Variants in NHSL1 observed in about 807,000 individuals in gnomAD.
NHSL1 encodes NHS like 1.
NHSL1 carries 48 observed loss-of-function variants against 95.0 expected under a neutral mutation model. The ratio of observed to expected loss-of-function variants is 0.51; its 90% CI spans 0.40 to 0.64. The LOEUF is 0.64. NHSL1 is among the 30% of genes least tolerant of loss of function. NHSL1 has a pLI of 0.00. For missense variants in NHSL1, 1,971 were observed against 2,077.7 expected (o/e 0.95, Z 1.00); for synonymous variants, 783 against 833.9 (o/e 0.94, Z 1.05).
intron 1 of NHSL1, among the ~76,000 whole-genome samples, chr6:138,604,368 A>G (rs887354843): frequency 1.2e-4 from 19 of 152,224 alleles, no homozygotes; most frequent in African/African-American, 4.6e-4. Context: ...TTAAACTTCA[A>G]AAATCTAACG....
chr6:138,513,144 C>T (rs1015177116), intron 1 of NHSL1, among the ~76,000 whole-genome samples: 4 of 152,130 alleles, frequency 2.6e-5, no homozygotes, highest in Non-Finnish European at 5.9e-5. Context: ...AACCTCGGTG[C>T]CATGCAAAAC....
intron 2 of NHSL1, among the ~76,000 whole-genome samples, chr6:138,483,866 A>C (rs923390468): frequency 2.6e-5 from 4 of 152,196 alleles, no homozygotes; most frequent in East Asian, 1.9e-4. Flanking sequence ...GTTGGACAGT[A>C]GCGTGCTTGA....
intron 1 of NHSL1, among the ~76,000 whole-genome samples, chr6:138,497,416 G>A (rs1780419634): frequency 1.3e-5 from 2 of 152,266 alleles, no homozygotes; most frequent in South Asian, 2.1e-4. Context: ...TGTGAGTGAG[G>A]AGCAAGTCTT....
chr6:138,545,611 A>G, intron 1 of NHSL1: 3 of 1,288,752 alleles, frequency 2.3e-6, no homozygotes, highest in Non-Finnish European at 3.0e-6. Flanking sequence ...AATGGACACG[A>G]AGTCCCCTCA....
chr6:138,594,193 T>C (rs1784270306), intron 1 of NHSL1, among the ~76,000 whole-genome samples: 1 of 152,168 alleles, frequency 6.6e-6, no homozygotes, highest in South Asian at 2.1e-4. Context: ...CAGCAGCTTC[T>C]AAGCAACAGA....
At chr6:138,491,143 C>T (rs566842993) in intron 2 of NHSL1, among the ~76,000 whole-genome samples, 19 of 152,276 alleles carry the variant, frequency 1.2e-4, no homozygotes, top group African/African-American at 4.3e-4. Flanking sequence ...AGCCATGGAG[C>T]ATGCTGACCT....
chr6:138,482,829 C>A (rs1482103801), intron 2 of NHSL1, among the ~76,000 whole-genome samples: 1 of 152,174 alleles, frequency 6.6e-6, no homozygotes, highest in Non-Finnish European at 1.5e-5. Context: ...GGGTTACATT[C>A]CCGCCTTCAA....
At chr6:138,671,844 C>A (rs747327110) in intron 1 of NHSL1, among the ~76,000 whole-genome samples, 4 of 151,966 alleles carry the variant, frequency 2.6e-5, no homozygotes, top group Non-Finnish European at 5.9e-5. Context: ...TGGCTCTGCT[C>A]GAATGGTGGA....
At chr6:138,535,789 C>T (rs2128319355) in intron 1 of NHSL1, among the ~76,000 whole-genome samples, 2 of 152,202 alleles carry the variant, frequency 1.3e-5, no homozygotes, top group Admixed American at 1.3e-4. Context: ...CACCAAATAC[C>T]AGACTGCCTT....
At chr6:138,562,070 C>G (rs972066022) in intron 1 of NHSL1, among the ~76,000 whole-genome samples, 65 of 152,322 alleles carry the variant, frequency 4.3e-4, no homozygotes, top group African/African-American at 1.5e-3. Flanking sequence ...CAGACCACAG[C>G]TAGACCACTG....
intron 3 of NHSL1, among the ~76,000 whole-genome samples, chr6:138,459,337 TA>T (rs1263407311): frequency 1.3e-5 from 2 of 152,184 alleles, no homozygotes; most frequent in African/African-American, 4.8e-5. Context: ...CTTTTCTTAT[TA>T]AATGTATCTG....
chr6:138,526,683 C>T (rs1420391752), intron 1 of NHSL1, among the ~76,000 whole-genome samples: 5 of 152,222 alleles, frequency 3.3e-5, no homozygotes, highest in African/African-American at 7.2e-5. Context: ...CCTCGAGTTG[C>T]GTGCTTAATT....
chr6:138,430,985 A>G lies in NHSL1; in HGVS notation c.3360T>C (p.Asn1120=), dbSNP rs1413183275. 1.3e-6 allele frequency: 2 copies of G among 1,552,060 alleles called. No individual in the cohort carries two copies. Among genetic ancestry groups the G allele is most frequent in the South Asian group, 2.4e-5 (2 of 84,054 alleles). ...LKPSAFLKSR[N]STNEMESESQ... The stretch of plus-strand genomic sequence containing the variant: ...TTTCACTCTCCATTTCATTTGTGCT[A>G]TTTCGGGATTTCAGGAAAGCAGATG... The change falls in exon 6 of 8, where the codon AAT becomes AAC. Residue 1120 remains asparagine (N), a synonymous_variant. Coordinates refer to ENST00000343505, the MANE Select transcript of NHSL1 (RefSeq NM_001144060.2). The surrounding 1 kb of genome is among the most constrained non-coding windows in gnomAD (Gnocchi z 4.7).
rs1314373831 is a variant in NHSL1 at position 138,433,117 on chromosome 6, T to C, written c.1228A>G (p.Thr410Ala). 6.4e-6 allele frequency: 10 copies of C among 1,550,900 alleles called. No individual in the cohort carries two copies. The highest frequency in any genetic ancestry group is 8.7e-6 in the Non-Finnish European group (10 of 1,146,922). ...CVVSPHATYS[T>A]SIIPNATLSS... The stretch of plus-strand genomic sequence containing the variant: ...AGTGTGGCATTTGGGATGATGCTGG[T>C]GGAGTAGGTTGCATGAGGAGAAACC... The change falls in exon 6 of 8, where the codon ACC becomes GCC. Residue 410 changes from threonine to alanine, a missense_variant. Coordinates refer to ENST00000343505, the MANE Select transcript of NHSL1 (RefSeq NM_001144060.2).
intron 1 of NHSL1, among the ~76,000 whole-genome samples, chr6:138,659,046 C>CTTTTTT (rs771033274): frequency 3.4e-5 from 4 of 117,824 alleles, no homozygotes; most frequent in African/African-American, 9.1e-5. Flanking sequence ...TGTGGACTAT[C>CTTTTTT]TTTTTTTTTT....
intron 1 of NHSL1, among the ~76,000 whole-genome samples, chr6:138,607,909 T>C (rs1425919938): frequency 6.6e-6 from 1 of 152,234 alleles, no homozygotes; most frequent in Non-Finnish European, 1.5e-5. Flanking sequence ...GGGAGCAGGA[T>C]GCCTCTTTTG....
rs554361637 is a variant in NHSL1 at position 138,441,625 on chromosome 6, A to G, written c.664+358T>C. Among the ~76,000 whole-genome samples, 13 of 152,318 alleles carry G rather than the reference A, an allele frequency of 8.5e-5. No individual in the cohort carries two copies. The South Asian group carries it at 2.7e-3, about 32-fold the overall frequency. ...ATTCATAATCTGACGTCCTAGAATGACTTCTGTTTCATGAAAACTTAAGAT... is the reference window on the plus strand; with the variant it reads ...ATTCATAATCTGACGTCCTAGAATGGCTTCTGTTTCATGAAAACTTAAGAT... On this transcript the variant is annotated intron_variant, in intron 5 of 7. Coordinates refer to ENST00000343505, the MANE Select transcript of NHSL1 (RefSeq NM_001144060.2).
At chr6:138,610,842 CTGAGA>C (rs1484990841) in intron 1 of NHSL1, among the ~76,000 whole-genome samples, 2 of 152,222 alleles carry the variant, frequency 1.3e-5, no homozygotes, top group East Asian at 1.9e-4. Flanking sequence ...ATTTGGGAGG[CTGAGA>C]TGAGTGGATC....
chr6:138,424,110 A>C lies in NHSL1; in HGVS notation c.4792T>G (p.Cys1598Gly). ...SAEGREPSPQCGGSLSEES is the reference protein window; with the variant it reads ...SAEGREPSPQGGGSLSEES ...CTCTCCTCGCTCAGAGAACCGCCAC[A>C]CTGTGGGGAGGGCTCTCTGCCCTCT... The change falls in exon 8 of 8, where the codon TGT becomes GGT. Residue 1598 changes from cysteine (C) to glycine (G), a missense_variant. Transcript: ENST00000343505. The surrounding 1 kb of genome is among the most constrained non-coding windows in gnomAD (Gnocchi z 5.9). 2.8e-6 allele frequency: 4 copies of C among 1,408,236 alleles called. No individual in the cohort carries two copies. Among genetic ancestry groups the C allele is most frequent in the Non-Finnish European group, 3.7e-6 (4 of 1,082,508 alleles). 87.2% of individuals were successfully genotyped at this position (1,408,236 alleles called of 1,614,324 possible). A position where few individuals can be genotyped will look rare whatever the true frequency, so the allele number is the denominator to read the frequency against.
Sources: gnomAD v4.1 joint callset for allele counts (sites outside exome capture counted in the v4.1 genomes callset) on GRCh38, gnomAD v4.1.1 for gene constraint, Gnocchi (gnomAD v3.1) non-coding constraint, MANE v1.5 for transcripts, NCBI Gene and HGNC (gene_info 2026-07-23, HGNC 2026-07-21) for gene names.